Variants in FNBP1L observed in about 807,000 individuals in gnomAD.
FNBP1L encodes formin-binding protein 1-like.
A neutral mutation model predicts 91.2 loss-of-function variants in FNBP1L; 36 were observed. The ratio of observed to expected loss-of-function variants is 0.39; its 90% confidence interval spans 0.30 to 0.52. The LOEUF (loss-of-function observed/expected upper bound fraction) is 0.52, where lower values mean the gene tolerates loss of function less well. Among genes scored for constraint, FNBP1L ranks in the 20% least tolerant of loss-of-function variants. FNBP1L has a pLI of 0.66. For missense variants in FNBP1L, 571 were observed against 732.1 expected (o/e 0.78, Z 2.54); for synonymous variants, 242 against 237.0 (o/e 1.02, Z -0.19).
At chr1:93,495,722 A>G (rs1670239426) in intron 1 of FNBP1L, among the ~76,000 whole-genome samples, 1 of 152,226 alleles carries the variant, frequency 6.6e-6, no homozygotes, top group African/African-American at 2.4e-5. Context: ...TCCCTTCAAG[A>G]TAAAAGAGAA....
chr1:93,552,506 AGAGT>A lies in FNBP1L; in HGVS notation c.*94_*97del. 2 of 1,455,686 alleles carry A rather than the reference AGAGT, an allele frequency of 1.4e-6. No homozygotes were observed. Among genetic ancestry groups the A allele is most frequent in the Non-Finnish European group, 1.9e-6 (2 of 1,072,446 alleles). The allele number at this position is 1,455,686 out of a possible 1,614,324, so 90.2% of individuals were successfully genotyped here. A position where few individuals can be genotyped will look rare whatever the true frequency, so the allele number is the denominator to read the frequency against. On this transcript the variant is annotated 3_prime_UTR_variant, in exon 17 of 17. Transcript: ENST00000271234. ...GGTATTAGAGTTGTCAGGCTCAAAG[AGAGT>A]GAGAGAAGCAAGTTGCATGAGTGCA...
chr1:93,523,599 C>T (rs1671402582), intron 4 of FNBP1L, 108 bp downstream of exon 4: 2 of 1,007,530 alleles, frequency 2.0e-6, no homozygotes, highest in Admixed American at 6.5e-5. Context: ...TTTTCTATTT[C>T]ACTACATTTC....
At chr1:93,550,618 TA>T (rs35191989) in intron 15 of FNBP1L, among the ~76,000 whole-genome samples, 1 of 152,214 alleles carries the variant, frequency 6.6e-6, no homozygotes, top group Non-Finnish European at 1.5e-5. Flanking sequence ...GATAGACTAC[TA>T]AAATTTGGGA....
intron 1 of FNBP1L, among the ~76,000 whole-genome samples, chr1:93,472,725 T>C (rs374033089): frequency 3.7e-5 from 5 of 136,816 alleles, no homozygotes; most frequent in Admixed American, 8.6e-5. Context: ...GGCAGGAGAA[T>C]AGTGTGAACC....
At chr1:93,455,327 G>A (rs1349979856) in intron 1 of FNBP1L, among the ~76,000 whole-genome samples, 1 of 152,206 alleles carries the variant, frequency 6.6e-6, no homozygotes, top group East Asian at 1.9e-4. Flanking sequence ...CAAGTAGCTA[G>A]GACTCCAGGC....
intron 1 of FNBP1L, among the ~76,000 whole-genome samples, chr1:93,449,027 G>T (rs538072952): frequency 7.2e-5 from 11 of 152,236 alleles, no homozygotes; most frequent in Non-Finnish European, 1.3e-4. Flanking sequence ...AGTGATCGAT[G>T]AGGAAGCTAA....
At chr1:93,495,491 A>G (rs1158900619) in intron 1 of FNBP1L, among the ~76,000 whole-genome samples, 1 of 152,224 alleles carries the variant, frequency 6.6e-6, no homozygotes, top group Non-Finnish European at 1.5e-5. Context: ...TAAAGCAGGA[A>G]GTCCACAGAA....
chr1:93,548,101 A>G (rs1258038066), intron 14 of FNBP1L, among the ~76,000 whole-genome samples: 3 of 152,206 alleles, frequency 2.0e-5, no homozygotes, highest in Non-Finnish European at 4.4e-5. Context: ...TGTTAGTAAA[A>G]AAGTAAATAA....
At chr1:93,508,541 A>G (rs535748678) in intron 2 of FNBP1L, among the ~76,000 whole-genome samples, 27 of 152,200 alleles carry the variant, frequency 1.8e-4, no homozygotes, top group African/African-American at 6.0e-4. Context: ...TGAGTCACCT[A>G]TAGATGTGTG....
At chr1:93,520,280 C>T (rs940421185) in intron 2 of FNBP1L, among the ~76,000 whole-genome samples, 1 of 152,138 alleles carries the variant, frequency 6.6e-6, no homozygotes, top group South Asian at 2.1e-4. Context: ...TTAATTGATA[C>T]TAATCTGAGA....
intron 9 of FNBP1L, among the ~76,000 whole-genome samples, chr1:93,535,510 T>C (rs915159095): frequency 6.6e-6 from 1 of 152,114 alleles, no homozygotes; most frequent in African/African-American, 2.4e-5. Context: ...GTCTTTCTTA[T>C]CAATTAAGTG....
chr1:93,474,718 G>C (rs1224745756), intron 1 of FNBP1L, among the ~76,000 whole-genome samples: 1 of 152,206 alleles, frequency 6.6e-6, no homozygotes, highest in Non-Finnish European at 1.5e-5. Flanking sequence ...CTGGGGCTTA[G>C]AGGTTCAGGG....
intron 14 of FNBP1L, among the ~76,000 whole-genome samples, 196 bp downstream of exon 14, chr1:93,547,637 C>G (rs1453412637): frequency 6.6e-6 from 1 of 151,990 alleles, no homozygotes; most frequent in Non-Finnish European, 1.5e-5. Context: ...CTATTCAATC[C>G]TAGTTTGTCA....
At chr1:93,506,539 CT>C (rs58091219) in intron 2 of FNBP1L, among the ~76,000 whole-genome samples, 71,999 of 151,962 alleles carry the variant, frequency 0.47, 20,513 homozygotes, top group Non-Finnish European at 0.61. Flanking sequence ...AAAAGGGGTA[CT>C]AGTCAGTGAG....
chr1:93,506,333 A>G (rs1670611300), intron 2 of FNBP1L, among the ~76,000 whole-genome samples: 1 of 152,166 alleles, frequency 6.6e-6, no homozygotes, highest in African/African-American at 2.4e-5. Context: ...AAATACAGTC[A>G]TCAACAGTGC....
chr1:93,460,796 G>A (rs1000655916), intron 1 of FNBP1L, among the ~76,000 whole-genome samples: 1 of 152,150 alleles, frequency 6.6e-6, no homozygotes, highest in East Asian at 1.9e-4. Context: ...GTGGGGAGAT[G>A]TTTGTCAAAA....
intron 10 of FNBP1L, among the ~76,000 whole-genome samples, chr1:93,539,689 TAAC>T (rs1173467551): frequency 6.6e-6 from 1 of 152,148 alleles, no homozygotes; most frequent in Non-Finnish European, 1.5e-5. Context: ...TTTCATTTAA[TAAC>T]ATTTTTGAAA....
At position 93,553,419 on chromosome 1, in the gene FNBP1L, C is replaced by G. The variant is rs753733113; in HGVS notation, c.*1003C>G. The stretch of plus-strand genomic sequence containing the variant: ...GCACCGCTGCAGCTGCCGATGTAGC[C>G]TCGGTAGGTGGCTATTAGAGCTCTA... On this transcript the variant is annotated 3_prime_UTR_variant, in exon 17 of 17. Transcript: ENST00000271234. 1 of 152,680 alleles carries G rather than the reference C, an allele frequency of 6.5e-6. No homozygotes were observed. Among genetic ancestry groups the G allele is most frequent in the Non-Finnish European group, 1.5e-5 (1 of 68,058 alleles). 9.5% of individuals were successfully genotyped at this position (152,680 alleles called of 1,614,324 possible).
chr1:93,456,259 A>G (rs1029932680), intron 1 of FNBP1L, among the ~76,000 whole-genome samples: 1 of 152,150 alleles, frequency 6.6e-6, no homozygotes, highest in African/African-American at 2.4e-5. Flanking sequence ...CAATTGGGGC[A>G]TTTTTTCCTT....
Sources: gnomAD v4.1 joint callset for allele counts (sites outside exome capture counted in the v4.1 genomes callset) on GRCh38, gnomAD v4.1.1 for gene constraint, MANE v1.5 for transcripts, NCBI Gene and HGNC (gene_info 2026-07-23, HGNC 2026-07-21) for gene names.